The following DRC8 variants were observed in gnomAD, a reference collection of about 807,000 sequenced individuals.
DRC8 encodes dynein regulatory complex subunit 8, also known as dynein regulatory complex protein 8.
chr1:245,064,762 T>C, the DRC8 span, among the ~76,000 whole-genome samples: 1 of 152,240 alleles, frequency 6.6e-6, no homozygotes, highest in Non-Finnish European at 1.5e-5. Context: ...ATCTTCATGT[T>C]CCTGGTAATG....
chr1:245,099,435 C>A, the DRC8 span, among the ~76,000 whole-genome samples: 2 of 152,236 alleles, frequency 1.3e-5, no homozygotes, highest in African/African-American at 4.8e-5. Flanking sequence ...CGCCAGCCAA[C>A]AGCACAGCCA....
At chr1:245,117,013 G>A in the DRC8 span, among the ~76,000 whole-genome samples, 1 of 152,276 alleles carries the variant, frequency 6.6e-6, no homozygotes, top group East Asian at 1.9e-4. Flanking sequence ...AGATATCCAA[G>A]GTTAAGCAAT....
At chr1:245,090,459 C>CTGTTTCT in the DRC8 span, among the ~76,000 whole-genome samples, 11,186 of 151,852 alleles carry the variant, frequency 0.074, 480 homozygotes, top group African/African-American at 0.096. Flanking sequence ...TTGACTGTTC[C>CTGTTTCT]CTGCGTTGCA....
the DRC8 span, among the ~76,000 whole-genome samples, chr1:245,063,404 G>A: frequency 6.6e-6 from 1 of 152,170 alleles, no homozygotes; most frequent in African/African-American, 2.4e-5. Context: ...TACTCCCCTA[G>A]CTCCTAGTTC....
the DRC8 span, among the ~76,000 whole-genome samples, chr1:245,057,127 G>A: frequency 6.6e-6 from 1 of 152,138 alleles, no homozygotes; most frequent in Non-Finnish European, 1.5e-5. Context: ...GGTTTGAACC[G>A]TTGGCTGTGA....
the DRC8 span, among the ~76,000 whole-genome samples, chr1:245,073,800 A>C: frequency 9.8e-5 from 15 of 152,326 alleles, no homozygotes; most frequent in East Asian, 1.3e-3. Flanking sequence ...CTGTATATAC[A>C]GAAGTGATCT....
chr1:245,016,912 G>A, the DRC8 span, among the ~76,000 whole-genome samples: 2 of 152,214 alleles, frequency 1.3e-5, no homozygotes, highest in Non-Finnish European at 2.9e-5. Flanking sequence ...ACTTGAGATA[G>A]AGAGGCCGCT....
At chr1:245,121,214 T>A in the DRC8 span, among the ~76,000 whole-genome samples, 1 of 152,076 alleles carries the variant, frequency 6.6e-6, no homozygotes, top group Admixed American at 6.6e-5. Flanking sequence ...AATACGGAGG[T>A]GTATTTGCAG....
the DRC8 span, among the ~76,000 whole-genome samples, chr1:245,035,954 G>A: frequency 9.2e-5 from 14 of 151,960 alleles, no homozygotes; most frequent in Non-Finnish European, 1.0e-4. Flanking sequence ...AAACATTGAT[G>A]TGAATGTTTG....
the DRC8 span, among the ~76,000 whole-genome samples, chr1:245,041,867 A>T: frequency 0.93 from 142,155 of 152,114 alleles, 67,179 homozygotes; most frequent in East Asian, 1. Context: ...GGCGCCTACA[A>T]ATTGAGGAAG....
chr1:245,069,705 A>G, the DRC8 span, among the ~76,000 whole-genome samples: 3 of 152,204 alleles, frequency 2.0e-5, no homozygotes, highest in African/African-American at 7.2e-5. Flanking sequence ...CTGTTACACA[A>G]CAATGTACAT....
chr1:244,977,114 C>T, the DRC8 span, among the ~76,000 whole-genome samples: 1 of 152,076 alleles, frequency 6.6e-6, no homozygotes, highest in South Asian at 2.1e-4. Flanking sequence ...AAGTAGATTG[C>T]TGGTTGCCAG....
the DRC8 span, among the ~76,000 whole-genome samples, chr1:245,092,531 A>G: frequency 9.1e-4 from 138 of 152,290 alleles, 1 homozygote; most frequent in South Asian, 0.027. Context: ...AGGCCTGCCT[A>G]TTTCTGAAAG....
At chr1:245,030,049 G>A in the DRC8 span, among the ~76,000 whole-genome samples, 6 of 152,140 alleles carry the variant, frequency 3.9e-5, no homozygotes, top group Non-Finnish European at 8.8e-5. Flanking sequence ...AGATTCATTC[G>A]TCCTGCAGCC....
the DRC8 span, among the ~76,000 whole-genome samples, chr1:245,013,117 T>G: frequency 4.0e-5 from 6 of 150,722 alleles, no homozygotes; most frequent in Non-Finnish European, 8.8e-5. Context: ...AATTACTCAG[T>G]GTGTTGTCCA....
the DRC8 span, among the ~76,000 whole-genome samples, chr1:245,054,444 G>A: frequency 6.6e-6 from 1 of 152,054 alleles, no homozygotes; most frequent in African/African-American, 2.4e-5. Context: ...AATCATAGCT[G>A]ATCTCCTTTT....
the DRC8 span, among the ~76,000 whole-genome samples, chr1:245,108,432 T>C: frequency 6.6e-6 from 1 of 152,236 alleles, no homozygotes; most frequent in African/African-American, 2.4e-5. Context: ...GGGTTATCCC[T>C]TTTCTCTTTG....
chr1:245,059,495 C>T, the DRC8 span: 1 of 1,551,950 alleles, frequency 6.4e-7, no homozygotes, highest in South Asian at 1.1e-5. Flanking sequence ...AGCCAGCTCT[C>T]TGTGTGAGAG....
At chr1:245,103,924 G>A in the DRC8 span, among the ~76,000 whole-genome samples, 1 of 152,226 alleles carries the variant, frequency 6.6e-6, no homozygotes, top group African/African-American at 2.4e-5. Flanking sequence ...ATCCTAAGAA[G>A]GGAGAGTGGG....
Sources: gnomAD v4.1 joint callset for allele counts (sites outside exome capture counted in the v4.1 genomes callset) on GRCh38, gnomAD v4.1.1 for gene constraint, MANE v1.5 for transcripts, NCBI Gene and HGNC (gene_info 2026-07-23, HGNC 2026-07-21) for gene names.